The following PKHD1 variants were observed in gnomAD, a reference collection of about 807,000 sequenced individuals.
The protein encoded by PKHD1 is fibrocystin.
PKHD1 carries 291 observed loss-of-function variants against 412.0 expected under a neutral mutation model. The observed-to-expected ratio is 0.71, with a 90% confidence interval of 0.64 to 0.78. The LOEUF is 0.78. PKHD1 is among the 30% of genes least tolerant of loss of function. The probability of loss-of-function intolerance (pLI) is 0.00; values close to 1 mark genes in which losing one functional copy is unlikely to be tolerated. For synonymous variants in PKHD1, 1,777 were observed against 1,821.5 expected, an observed-to-expected ratio of 0.98 and a Z score of 0.62; for missense variants, 4,825 against 4,950.7, an observed-to-expected ratio of 0.97 and a Z score of 0.76.
chr6:51,665,147 A>G (rs1034907870), intron 60 of PKHD1, among the ~76,000 whole-genome samples: 3 of 152,112 alleles, frequency 2.0e-5, no homozygotes, highest in African/African-American at 4.8e-5. Flanking sequence ...TTTCTACCCT[A>G]GGAAAAATAC....
Position 51,775,990 on chromosome 6 carries a change from G to A in PKHD1, c.8441-69C>T. On this transcript the variant is annotated intron_variant, in intron 53 of 66. Transcript: ENST00000371117. ...AAAAGAAAGAGAGGGAGAAATTGCA[G>A]TATAATTTCAATAATGCAATGTAGA... is the stretch of plus-strand genomic sequence containing the variant. 6.3e-6 allele frequency: 5 copies of A among 789,560 alleles called. No homozygotes were observed. In the Admixed American group the frequency reaches 8.9e-5, roughly 14 times the overall value. 48.9% of individuals were successfully genotyped at this position (789,560 alleles called of 1,614,324 possible). A position where few individuals can be genotyped will look rare whatever the true frequency, so the allele number is the denominator to read the frequency against.
intron 61 of PKHD1, among the ~76,000 whole-genome samples, chr6:51,651,786 C>T (rs575021029): frequency 6.6e-6 from 1 of 152,048 alleles, no homozygotes; most frequent in Admixed American, 6.6e-5. Flanking sequence ...CAATGATGGG[C>T]CACTTATATA....
chr6:52,014,419 A>G (rs1476779622), intron 34 of PKHD1, among the ~76,000 whole-genome samples: 4 of 152,334 alleles, frequency 2.6e-5, no homozygotes, highest in African/African-American at 7.2e-5. Flanking sequence ...CTTTCATGAC[A>G]TCCACGAATG....
chr6:51,631,496 G>A (rs572752684), intron 65 of PKHD1, among the ~76,000 whole-genome samples: 38 of 152,294 alleles, frequency 2.5e-4, no homozygotes, highest in African/African-American at 9.1e-4. Context: ...AAATGTTGTA[G>A]TAGTGGGACT....
chr6:51,786,905 A>G (rs1251783592), intron 53 of PKHD1, among the ~76,000 whole-genome samples: 3 of 152,250 alleles, frequency 2.0e-5, no homozygotes, highest in Admixed American at 6.5e-5. Context: ...GACTAATGAG[A>G]CAAGCACTGA....
At position 51,721,328 on chromosome 6, in the gene PKHD1, G is replaced by C. The variant is rs923781077; in HGVS notation, c.10156+23057C>G. 14 of 691,232 alleles carry C rather than the reference G, an allele frequency of 2.0e-5. No homozygotes were observed. In the African/African-American group the frequency reaches 2.8e-4, roughly 14 times the overall value. The allele number at this position is 691,232 out of a possible 1,614,324, so 42.8% of individuals were successfully genotyped here. A position where few individuals can be genotyped will look rare whatever the true frequency, so the allele number is the denominator to read the frequency against. Reference sequence around the variant, plus strand: ...TTATTAACAATAACCCACTATTATTGGTATATTAGTATTAGTATATTATTG... The same window carrying C: ...TTATTAACAATAACCCACTATTATTCGTATATTAGTATTAGTATATTATTG... On this transcript the variant is annotated intron_variant, in intron 60 of 66. Transcript: ENST00000371117.
chr6:51,811,690 G>A (rs910231974), intron 52 of PKHD1, among the ~76,000 whole-genome samples: 3 of 151,938 alleles, frequency 2.0e-5, no homozygotes, highest in African/African-American at 7.3e-5. Context: ...GGTGTTGTGA[G>A]GATTCCAAAG....
chr6:51,950,220 A>AAAAAAAAATATATATAT, intron 36 of PKHD1, among the ~76,000 whole-genome samples: 63 of 98,288 alleles, frequency 6.4e-4, no homozygotes, highest in Middle Eastern at 4.9e-3. Flanking sequence ...GAAAAAAAAA[A>AAAAAAAAATATATATAT]ATATATATAT....
chr6:51,848,033 TCCACCACA>T, intron 49 of PKHD1, 63 bp from the exon 50 acceptor site: 1 of 1,094,848 alleles, frequency 9.1e-7, no homozygotes, highest in Non-Finnish European at 1.4e-6. Flanking sequence ...TTCCACCTAC[TCCACCACA>T]CCACCCTGCC....
intron 35 of PKHD1, among the ~76,000 whole-genome samples, chr6:52,003,290 G>A (rs1322230798): frequency 1.3e-5 from 2 of 152,110 alleles, no homozygotes; most frequent in Non-Finnish European, 2.9e-5. Flanking sequence ...AAAAACAGAC[G>A]AGATGAGAAA....
chr6:51,728,376 A>C (rs73738177), intron 60 of PKHD1, among the ~76,000 whole-genome samples: 2,584 of 152,222 alleles, frequency 0.017, 75 homozygotes, highest in African/African-American at 0.058. Context: ...TGCATTCCAA[A>C]TCTTTCCTTT....
chr6:51,931,545 T>C (rs1190705122), intron 37 of PKHD1, among the ~76,000 whole-genome samples: 2 of 152,158 alleles, frequency 1.3e-5, no homozygotes, highest in Non-Finnish European at 2.9e-5. Context: ...AGGAGAGAAT[T>C]GATGAGCTGC....
intron 42 of PKHD1, 105 bp from the exon 43 acceptor site, chr6:51,903,832 CATATATATAT>C (rs66966800): frequency 2.9e-4 from 127 of 434,794 alleles, no homozygotes; most frequent in East Asian, 1.1e-3. Flanking sequence ...TAATGCATTT[CATATATATAT>C]ATATATATAT....
intron 53 of PKHD1, among the ~76,000 whole-genome samples, chr6:51,779,822 T>C (rs1791673627): frequency 6.6e-6 from 1 of 152,066 alleles, no homozygotes; most frequent in African/African-American, 2.4e-5. Context: ...TACAGCAGTT[T>C]TGAATAATGC....
At chr6:51,958,025 A>G (rs534679625) in intron 36 of PKHD1, among the ~76,000 whole-genome samples, 50 of 152,224 alleles carry the variant, frequency 3.3e-4, no homozygotes, top group African/African-American at 1.2e-3. Context: ...ATAAGCATTC[A>G]CAAATTATCT....
chr6:52,040,202 A>G (rs1031791117), intron 27 of PKHD1, among the ~76,000 whole-genome samples: 1 of 152,228 alleles, frequency 6.6e-6, no homozygotes, highest in African/African-American at 2.4e-5. Context: ...AACTTTGTGA[A>G]TATACTGAAG....
intron 52 of PKHD1, among the ~76,000 whole-genome samples, chr6:51,816,297 C>G (rs1765448880): frequency 6.7e-6 from 1 of 150,166 alleles, no homozygotes; most frequent in Admixed American, 6.6e-5. Flanking sequence ...ATGTTGGAAG[C>G]CCCCTACTTA....
chr6:51,730,982 A>G (rs145083038), intron 60 of PKHD1, among the ~76,000 whole-genome samples: 303 of 152,250 alleles, frequency 2.0e-3, no homozygotes, highest in East Asian at 0.014. Flanking sequence ...GTGCAGTGGC[A>G]TAATCATGGC....
chr6:51,841,207 T>C (rs1404095884), intron 50 of PKHD1, among the ~76,000 whole-genome samples: 1 of 152,152 alleles, frequency 6.6e-6, no homozygotes, highest in Non-Finnish European at 1.5e-5. Context: ...GAAAAGATGG[T>C]ATACTAGAAA....
Sources: gnomAD v4.1 joint callset for allele counts (sites outside exome capture counted in the v4.1 genomes callset) on GRCh38, gnomAD v4.1.1 for gene constraint, MANE v1.5 for transcripts, NCBI Gene and HGNC (gene_info 2026-07-23, HGNC 2026-07-21) for gene names.